AK9: variants seen among roughly 807,000 people sequenced by gnomAD.
The protein encoded by AK9 is adenylate kinase domain containing 1.
A neutral mutation model predicts 239.6 loss-of-function variants in AK9; 191 were observed. The ratio of observed to expected loss-of-function variants is 0.80; its 90% CI spans 0.71 to 0.90. The LOEUF (loss-of-function observed/expected upper bound fraction) is 0.90, where lower values mean the gene tolerates loss of function less well. Among genes scored for constraint, AK9 ranks in the 40% least tolerant of loss-of-function variants. The pLI is 0.00. For missense variants in AK9, 1,995 were observed against 2,214.7 expected, an observed-to-expected ratio of 0.90 and a Z score of 1.99; for synonymous variants, 689 against 721.0, an observed-to-expected ratio of 0.96 and a Z score of 0.71.
At chr6:109,498,968 TC>T in intron 36 of AK9, 75 bp downstream of exon 36, 1 of 1,283,154 alleles carries the variant, frequency 7.8e-7, no homozygotes, top group South Asian at 2.0e-5. Flanking sequence ...TGGGTGCCTA[TC>T]CCTTCCTATT....
chr6:109,567,019 A>C (rs1044901529), intron 21 of AK9, among the ~76,000 whole-genome samples: 13 of 152,196 alleles, frequency 8.5e-5, no homozygotes, highest in Non-Finnish European at 1.8e-4. Flanking sequence ...AATGAAAAGA[A>C]ATAGAGAAGC....
At position 109,579,540 on chromosome 6, in the gene AK9, CTG is replaced by C; in HGVS notation, c.2191+8_2191+9del. The C allele has an allele frequency of 6.5e-7, 1 of 1,549,178 alleles. No individual in the cohort carries two copies. On this transcript the variant is annotated splice_region_variant and intron_variant, in intron 20 of 40. Transcript: ENST00000424296. ...ATGACACATCATCAGTCATAGCAAT[CTG>C]TGCTTGCCTTTTGCCTTCACTTTCA...
At chr6:109,546,228 C>A (rs990567449) in intron 25 of AK9, 101 bp from the exon 26 acceptor site, 3 of 1,086,892 alleles carry the variant, frequency 2.8e-6, no homozygotes, top group Non-Finnish European at 3.9e-6. Context: ...AACTGCCCTC[C>A]CTAAGATGGG....
At chr6:109,632,491 T>C (rs1033140559) in intron 12 of AK9, 9 of 290,384 alleles carry the variant, frequency 3.1e-5, no homozygotes, top group Non-Finnish European at 4.6e-5. Context: ...GAGAACAAGA[T>C]TACTGAGGGA....
intron 33 of AK9, among the ~76,000 whole-genome samples, chr6:109,508,675 G>A (rs536055889): frequency 2.0e-5 from 3 of 152,334 alleles, no homozygotes; most frequent in African/African-American, 7.2e-5. Flanking sequence ...GCCCGTGGCT[G>A]TGCTGGAGGA....
intron 27 of AK9, among the ~76,000 whole-genome samples, chr6:109,537,435 G>A (rs1161868833): frequency 6.8e-6 from 1 of 147,968 alleles, no homozygotes; most frequent in African/African-American, 2.4e-5. Flanking sequence ...GCATTTCTGT[G>A]GGATTGGTGG....
At chr6:109,564,943 T>C in intron 21 of AK9, 98 bp from the exon 22 acceptor site, 3 of 922,068 alleles carry the variant, frequency 3.3e-6, no homozygotes, top group Non-Finnish European at 4.7e-6. Context: ...TAGCTTAAAT[T>C]GTATATGAAA....
chr6:109,554,232 T>C (rs1473049971), intron 24 of AK9, among the ~76,000 whole-genome samples: 2 of 152,134 alleles, frequency 1.3e-5, no homozygotes. Flanking sequence ...GGGAGGAGTC[T>C]CTCCTTTTCA....
At chr6:109,659,160 C>A in intron 7 of AK9, 68 bp downstream of exon 7, 2 of 1,417,778 alleles carry the variant, frequency 1.4e-6, no homozygotes, top group Non-Finnish European at 1.8e-6. Flanking sequence ...TTACCTATAC[C>A]ATCATTTACC....
intron 8 of AK9, among the ~76,000 whole-genome samples, chr6:109,654,933 G>A (rs922401188): frequency 1.3e-5 from 2 of 152,196 alleles, no homozygotes; most frequent in Admixed American, 1.3e-4. Flanking sequence ...GGTCAGAGAA[G>A]ACTAGAATTG....
chr6:109,574,714 T>A (rs1787844744), intron 20 of AK9, among the ~76,000 whole-genome samples: 1 of 152,094 alleles, frequency 6.6e-6, no homozygotes, highest in African/African-American at 2.4e-5. Context: ...CTTTTTAAAA[T>A]TTTTTTATTC....
chr6:109,577,772 G>A (rs1260812204), intron 20 of AK9, among the ~76,000 whole-genome samples: 2 of 152,078 alleles, frequency 1.3e-5, no homozygotes. Context: ...TGTGCATAAA[G>A]GTGTTCATAG....
At chr6:109,596,205 G>A (rs886739198) in intron 17 of AK9, among the ~76,000 whole-genome samples, 1 of 152,154 alleles carries the variant, frequency 6.6e-6, no homozygotes, top group Non-Finnish European at 1.5e-5. Context: ...TCAGGTGGAA[G>A]GCAGAGTGGT....
At chr6:109,666,988 A>G (rs1414895120) in intron 5 of AK9, among the ~76,000 whole-genome samples, 1 of 152,244 alleles carries the variant, frequency 6.6e-6, no homozygotes, top group Non-Finnish European at 1.5e-5. Flanking sequence ...AGCAGGGAGC[A>G]GTGAGGAGCT....
chr6:109,619,621 CAT>C (rs893251015), intron 12 of AK9, among the ~76,000 whole-genome samples: 5 of 151,502 alleles, frequency 3.3e-5, no homozygotes, highest in East Asian at 1.9e-4. Context: ...CACAAATATA[CAT>C]ATATATATAT....
At position 109,546,107 on chromosome 6, in the gene AK9, G is replaced by A. The variant is rs1200666219; in HGVS notation, c.2985C>T (p.Cys995=). The change falls in exon 26 of 41, where the codon TGC becomes TGT. Residue 995 remains cysteine, a synonymous_variant. Coordinates refer to ENST00000424296, the MANE Select transcript of AK9 (RefSeq NM_001145128.3). ...EPLKAPPLRI[C]LVGPQGSGKT... is the part of the protein sequence containing the mutation. Reference sequence around the variant, plus strand: ...TGCCAGAGCCCTGGGGGCCGACAAGGCATATTCTTAATGGAGGAGCCTGTC... The same window carrying A: ...TGCCAGAGCCCTGGGGGCCGACAAGACATATTCTTAATGGAGGAGCCTGTC... 2.2e-6 allele frequency: 3 copies of A among 1,356,322 alleles called. No individual in the cohort carries two copies. The South Asian group carries it at 3.5e-5, about 16-fold the overall frequency. The allele number at this position is 1,356,322 out of a possible 1,614,324, so 84.0% of individuals were successfully genotyped here.
At chr6:109,527,432 T>C (rs1488651423) in intron 29 of AK9, among the ~76,000 whole-genome samples, 1 of 152,194 alleles carries the variant, frequency 6.6e-6, no homozygotes, top group East Asian at 1.9e-4. Flanking sequence ...GAAACCCCCC[T>C]GGATCTGTTC....
At chr6:109,564,042 C>T in intron 23 of AK9, 38 bp downstream of exon 23, 1 of 1,511,060 alleles carries the variant, frequency 6.6e-7, no homozygotes, top group East Asian at 2.5e-5. Flanking sequence ...ATACTATCAC[C>T]TGCTGTTGAT....
At chr6:109,656,368 T>C (rs1035598574) in intron 8 of AK9, among the ~76,000 whole-genome samples, 1 of 152,218 alleles carries the variant, frequency 6.6e-6, no homozygotes, top group African/African-American at 2.4e-5. Context: ...TTTAACTAAA[T>C]GAACAATTCC....
Sources: allele counts gnomAD v4.1 joint callset (sites outside exome capture counted in the v4.1 genomes callset), GRCh38; gene constraint gnomAD v4.1.1; transcripts MANE v1.5; gene names NCBI Gene and HGNC (gene_info 2026-07-23, HGNC 2026-07-21).